Variants in AGAP1 observed in about 807,000 individuals in gnomAD.
AGAP1 encodes arf-GAP with GTPase, ANK repeat and PH domain-containing protein 1.
AGAP1 carries 29 observed loss-of-function variants against 105.3 expected under a neutral mutation model. The ratio of observed to expected loss-of-function variants is 0.28; its 90% CI spans 0.21 to 0.38. The LOEUF is 0.38. Ranked by LOEUF, AGAP1 falls within the 10% of genes least tolerant of loss-of-function variation. AGAP1 has a pLI of 1.00. For missense variants in AGAP1, 998 were observed against 1,165.1 expected (o/e 0.86, Z 2.09); for synonymous variants, 509 against 485.9 (o/e 1.05, Z -0.63).
rs751565037 is a variant in AGAP1 at position 236,003,336 on chromosome 2, C to A, written c.1646-33225C>A. Among the ~76,000 whole-genome samples, 3 of 152,214 alleles carry A rather than the reference C, an allele frequency of 2.0e-5. No homozygotes were observed. Among genetic ancestry groups the A allele is most frequent in the Admixed American group, 1.3e-4 (2 of 15,282 alleles). ...CCAGGATTACAAGAGTGAGCCACCACGCCCAGCCCAGGATGCTTTCTTTTC... is the reference window on the plus strand; with the variant it reads ...CCAGGATTACAAGAGTGAGCCACCAAGCCCAGCCCAGGATGCTTTCTTTTC... On this transcript the variant is annotated intron_variant, in intron 13 of 17. Transcript: ENST00000304032. The surrounding 1 kb of genome is among the most constrained non-coding windows in gnomAD (Gnocchi z 4.2).
chr2:236,093,304 C>T (rs1368305032), intron 16 of AGAP1, among the ~76,000 whole-genome samples: 1 of 152,140 alleles, frequency 6.6e-6, no homozygotes, highest in East Asian at 1.9e-4. Flanking sequence ...AGGTGTCAGC[C>T]CAGGGATCAC....
intron 4 of AGAP1, among the ~76,000 whole-genome samples, chr2:235,743,044 G>A (rs1952681946): frequency 6.6e-6 from 1 of 152,208 alleles, no homozygotes; most frequent in Non-Finnish European, 1.5e-5. Context: ...GCACGTGCCT[G>A]TAATCCTAGC....
chr2:235,518,778 A>T (rs1243157804), intron 1 of AGAP1, among the ~76,000 whole-genome samples: 1 of 152,244 alleles, frequency 6.6e-6, no homozygotes, highest in Non-Finnish European at 1.5e-5. Context: ...CATAAGCCAG[A>T]GGGATGGTGG....
At position 235,625,126 on chromosome 2, in the gene AGAP1, G is replaced by A. The variant is rs1946597903; in HGVS notation, c.164-84053G>A. Among the ~76,000 whole-genome samples, 1 of 152,200 alleles carries A rather than the reference G, an allele frequency of 6.6e-6. No individual in the cohort carries two copies. On this transcript the variant is annotated intron_variant, in intron 1 of 17. Coordinates refer to ENST00000304032, the MANE Select transcript of AGAP1 (RefSeq NM_001037131.3). The surrounding 1 kb of genome is among the most constrained non-coding windows in gnomAD (Gnocchi z 4.0). ...ACTAACACAGCAGGTGTGATCATTG[G>A]ATGAGGAAGGCTCTCGGAATCATTC...
chr2:236,048,008 A>G (rs558872318), intron 15 of AGAP1, among the ~76,000 whole-genome samples: 19 of 152,314 alleles, frequency 1.2e-4, no homozygotes, highest in Admixed American at 3.3e-4. Context: ...GCGTAAGGCT[A>G]TTGCTGGTTA....
chr2:235,986,044 A>G (rs1471148283), intron 13 of AGAP1, among the ~76,000 whole-genome samples: 2 of 152,202 alleles, frequency 1.3e-5, no homozygotes, highest in African/African-American at 4.8e-5. Context: ...CATTGAATCT[A>G]TAAATTACTT....
intron 11 of AGAP1, among the ~76,000 whole-genome samples, chr2:235,913,561 A>T (rs2051726122): frequency 6.6e-6 from 1 of 152,052 alleles, no homozygotes; most frequent in Non-Finnish European, 1.5e-5. Flanking sequence ...GTGTCCCTGC[A>T]TTGTCTTACC....
rs912968987 is a variant in AGAP1, at chr2:235,879,744, A to T, written c.1051-3601A>T. The stretch of plus-strand genomic sequence containing the variant: ...GGAGTTCGAGACCAGCCTGGGCAAG[A>T]TGATGAGACCCTGTCTCTACAAAAA... On this transcript the variant is annotated intron_variant, in intron 9 of 17. Transcript: ENST00000304032. This position sits in a 1 kb window ranked among gnomAD's most constrained non-coding sequence, Gnocchi z 5.0. 2.0e-5 allele frequency among the ~76,000 whole-genome samples: 3 copies of T among 152,028 alleles called. No homozygotes were observed. The highest frequency in any genetic ancestry group is 4.4e-5 in the Non-Finnish European group (3 of 68,036).
In AGAP1 at chr2:235,883,497, A is replaced by C; in HGVS notation, c.1155+48A>C. 1.3e-6 allele frequency: 2 copies of C among 1,493,916 alleles called. No homozygotes were observed. The highest frequency in any genetic ancestry group is 2.3e-5 in the East Asian group (1 of 43,946). The allele number at this position is 1,493,916 out of a possible 1,614,324, so 92.5% of individuals were successfully genotyped here. A position where few individuals can be genotyped will look rare whatever the true frequency, so the allele number is the denominator to read the frequency against. ...AATTAACAGCTGCAGACCTCAACTAAACACTGTGGGGAAGGGGAACCTACC... is the reference window on the plus strand; with the variant it reads ...AATTAACAGCTGCAGACCTCAACTACACACTGTGGGGAAGGGGAACCTACC... On this transcript the variant is annotated intron_variant, in intron 10 of 17. Transcript: ENST00000304032. This position sits in a 1 kb window ranked among gnomAD's most constrained non-coding sequence, Gnocchi z 4.5.
chr2:235,573,154 T>C (rs1466032204), intron 1 of AGAP1, among the ~76,000 whole-genome samples: 1 of 144,252 alleles, frequency 6.9e-6, no homozygotes, highest in East Asian at 2.4e-4. Flanking sequence ...CCAGGCTGCA[T>C]TGCAGTGGCA....
In AGAP1 at chr2:236,038,515, G is replaced by T. The variant is rs748555784; in HGVS notation, c.1800+1800G>T. On this transcript the variant is annotated intron_variant, in intron 14 of 17. Coordinates refer to ENST00000304032, the MANE Select transcript of AGAP1 (RefSeq NM_001037131.3). This position sits in a 1 kb window ranked among gnomAD's most constrained non-coding sequence, Gnocchi z 4.5. Reference sequence around the variant, plus strand: ...TGCCCTCGGCCCTCACTAGGCGCCTGTTCTCCAGGGAATTGCTCCCTTGGG... The same window carrying T: ...TGCCCTCGGCCCTCACTAGGCGCCTTTTCTCCAGGGAATTGCTCCCTTGGG... 6.6e-6 allele frequency among the ~76,000 whole-genome samples: 1 copy of T among 152,156 alleles called. No individual in the cohort carries two copies. Among genetic ancestry groups the T allele is most frequent in the African/African-American group, 2.4e-5 (1 of 41,422 alleles).
In AGAP1 at chr2:236,045,118, G is replaced by T. The variant is rs2125695834; in HGVS notation, c.1892-3941G>T. On this transcript the variant is annotated intron_variant, in intron 15 of 17. Coordinates refer to ENST00000304032, the MANE Select transcript of AGAP1 (RefSeq NM_001037131.3). This position sits in a 1 kb window ranked among gnomAD's most constrained non-coding sequence, Gnocchi z 6.9. ...TTTTGTAGAGAGGTAGTCTCACTAT[G>T]CTGCCCAGGCTGGTCTTAAACTCCT... 6.6e-6 allele frequency among the ~76,000 whole-genome samples: 1 copy of T among 152,300 alleles called. No homozygotes were observed. The highest frequency in any genetic ancestry group is 1.9e-4 in the East Asian group (1 of 5,168).
chr2:235,573,655 A>G (rs1003874830), intron 1 of AGAP1, among the ~76,000 whole-genome samples: 6 of 152,222 alleles, frequency 3.9e-5, no homozygotes, highest in Non-Finnish European at 8.8e-5. Flanking sequence ...TGGCAACAAC[A>G]CTGCTGACAC....
chr2:235,986,366 T>C (rs2055313353), intron 13 of AGAP1, among the ~76,000 whole-genome samples: 1 of 152,162 alleles, frequency 6.6e-6, no homozygotes, highest in African/African-American at 2.4e-5. Flanking sequence ...TCAAGGAGTT[T>C]TTAGGCTGAG....
At chr2:236,077,305 A>G (rs573195684) in intron 16 of AGAP1, among the ~76,000 whole-genome samples, 2 of 149,608 alleles carry the variant, frequency 1.3e-5, no homozygotes, top group East Asian at 4.0e-4. Flanking sequence ...ACATCTTCTC[A>G]TGTCCTTATG....
rs930687401 is a variant in AGAP1 at position 236,044,885 on chromosome 2, G to A, written c.1891+4044G>A. On this transcript the variant is annotated intron_variant, in intron 15 of 17. Coordinates refer to ENST00000304032, the MANE Select transcript of AGAP1 (RefSeq NM_001037131.3). This position sits in a 1 kb window ranked among gnomAD's most constrained non-coding sequence, Gnocchi z 5.7. ...TTCTGGTTTGGGCGGGGGCAGGGGC[G>A]GGTTGAGATGGGGTCTCGCCCTATA... 6.6e-6 allele frequency among the ~76,000 whole-genome samples: 1 copy of A among 152,050 alleles called. No individual in the cohort carries two copies. The highest frequency in any genetic ancestry group is 1.5e-5 in the Non-Finnish European group (1 of 68,018).
At chr2:235,776,929 G>A (rs1321718437) in intron 6 of AGAP1, 6 of 470,974 alleles carry the variant, frequency 1.3e-5, no homozygotes, top group Non-Finnish European at 2.2e-5. Flanking sequence ...ATCAGCCTCG[G>A]AGCAGGAAAA....
chr2:235,885,658 A>G (rs907413622), intron 10 of AGAP1, among the ~76,000 whole-genome samples: 24 of 152,230 alleles, frequency 1.6e-4, no homozygotes, highest in Admixed American at 1.1e-3. Flanking sequence ...TAGGTAGCAC[A>G]TGGGAACCTT....
Position 235,552,233 on chromosome 2 carries a change from T to C in AGAP1, c.163+57384T>C, listed in dbSNP as rs1167135046. 6.6e-6 allele frequency among the ~76,000 whole-genome samples: 1 copy of C among 152,168 alleles called. No individual in the cohort carries two copies. Among genetic ancestry groups the C allele is most frequent in the Non-Finnish European group, 1.5e-5 (1 of 68,028 alleles). Reference sequence around the variant, plus strand: ...TCTGAGAACCACCTGCAGTTCTGCTTATTGCTGGTGTTGAGAAATACAGTT... The same window carrying C: ...TCTGAGAACCACCTGCAGTTCTGCTCATTGCTGGTGTTGAGAAATACAGTT... On this transcript the variant is annotated intron_variant, in intron 1 of 17. Transcript: ENST00000304032. This position sits in a 1 kb window ranked among gnomAD's most constrained non-coding sequence, Gnocchi z 5.9.
Sources: gnomAD v4.1 joint callset for allele counts (sites outside exome capture counted in the v4.1 genomes callset) on GRCh38, gnomAD v4.1.1 for gene constraint, Gnocchi (gnomAD v3.1) non-coding constraint, MANE v1.5 for transcripts, NCBI Gene and HGNC (gene_info 2026-07-23, HGNC 2026-07-21) for gene names.